The following GRID1 variants were observed in gnomAD, a reference collection of about 807,000 sequenced individuals.
GRID1 encodes the protein glutamate receptor ionotropic, delta-1.
A neutral mutation model predicts 98.0 loss-of-function variants in GRID1; 28 were observed. The observed-to-expected ratio is 0.29, with a 90% CI of 0.21 to 0.39. The LOEUF (loss-of-function observed/expected upper bound fraction) is 0.39, where lower values mean the gene tolerates loss of function less well. GRID1 is among the 10% of genes least tolerant of loss of function. The pLI is 1.00. For missense variants in GRID1, 1,111 were observed against 1,340.5 expected, an observed-to-expected ratio of 0.83 and a Z score of 2.67; for synonymous variants, 553 against 538.5, an observed-to-expected ratio of 1.03 and a Z score of -0.37.
rs568183444 is a variant in GRID1, at chr10:85,852,357, G to A, written c.1233+2139C>T. The stretch of plus-strand genomic sequence containing the variant: ...CCACTGGCTTCAGGGTTTTTGAGGC[G>A]CATTGCCTTGGCAACGTGGAAGGTC... On this transcript the variant is annotated intron_variant, in intron 8 of 15. Transcript: ENST00000327946. Among the ~76,000 whole-genome samples, 8 of 152,278 alleles carry A rather than the reference G, an allele frequency of 5.3e-5. No individual in the cohort carries two copies. In the East Asian group the frequency reaches 9.7e-4, roughly 18 times the overall value.
chr10:86,202,852 T>G (rs1453951095), intron 3 of GRID1, among the ~76,000 whole-genome samples: 5 of 152,350 alleles, frequency 3.3e-5, no homozygotes, highest in African/African-American at 9.6e-5. Flanking sequence ...CTATGTATGA[T>G]GCTCACTAAA....
At chr10:86,199,778 C>G (rs1408508653) in intron 3 of GRID1, among the ~76,000 whole-genome samples, 1 of 152,140 alleles carries the variant, frequency 6.6e-6, no homozygotes, top group Non-Finnish European at 1.5e-5. Flanking sequence ...CTCGGATCAT[C>G]ATTCCTGAGA....
intron 2 of GRID1, among the ~76,000 whole-genome samples, chr10:86,282,442 G>A (rs1847369618): frequency 6.6e-6 from 1 of 152,122 alleles, no homozygotes. Context: ...ATGGATCCAG[G>A]TGCCGGCTGA....
chr10:85,608,602 A>G (rs547660295), intron 15 of GRID1, among the ~76,000 whole-genome samples: 22 of 152,250 alleles, frequency 1.4e-4, no homozygotes, highest in African/African-American at 5.1e-4. Flanking sequence ...TATATTCATC[A>G]CCCCTTAATA....
chr10:86,348,742 A>C (rs1317559065), intron 2 of GRID1, among the ~76,000 whole-genome samples: 1 of 152,232 alleles, frequency 6.6e-6, no homozygotes, highest in African/African-American at 2.4e-5. Flanking sequence ...GCTGCACCTG[A>C]CATCCAGGAG....
intron 4 of GRID1, among the ~76,000 whole-genome samples, chr10:85,947,930 A>C (rs1800023846): frequency 6.6e-6 from 1 of 152,230 alleles, no homozygotes; most frequent in Non-Finnish European, 1.5e-5. Context: ...GGTGATAAGC[A>C]ACCTTACAAT....
At chr10:86,280,086 G>A (rs561401193) in intron 2 of GRID1, among the ~76,000 whole-genome samples, 4 of 152,048 alleles carry the variant, frequency 2.6e-5, no homozygotes, top group East Asian at 1.9e-4. Context: ...ATCTTTACTC[G>A]CAGCTACCCA....
At chr10:86,212,651 C>T (rs1392813156) in intron 2 of GRID1, among the ~76,000 whole-genome samples, 1 of 152,242 alleles carries the variant, frequency 6.6e-6, no homozygotes, top group Admixed American at 6.5e-5. Flanking sequence ...TCCACGAGCA[C>T]CCACCTGCCC....
intron 8 of GRID1, among the ~76,000 whole-genome samples, chr10:85,750,538 G>T (rs1590216288): frequency 1.3e-5 from 2 of 152,248 alleles, no homozygotes; most frequent in African/African-American, 4.8e-5. Flanking sequence ...AACATAAAAA[G>T]CAAGTTGTCA....
chr10:86,312,315 C>T (rs942739157), intron 2 of GRID1, among the ~76,000 whole-genome samples: 2 of 152,214 alleles, frequency 1.3e-5, no homozygotes, highest in African/African-American at 4.8e-5. Context: ...TCTTTGGTCT[C>T]CCACCCCACC....
intron 12 of GRID1, among the ~76,000 whole-genome samples, chr10:85,722,117 C>T (rs900410403): frequency 3.3e-5 from 5 of 152,106 alleles, no homozygotes; most frequent in African/African-American, 4.8e-5. Flanking sequence ...GGAGTTTAAA[C>T]TCTTTTCAAT....
chr10:85,885,033 A>T (rs947144132), intron 5 of GRID1, among the ~76,000 whole-genome samples: 1 of 152,224 alleles, frequency 6.6e-6, no homozygotes, highest in Non-Finnish European at 1.5e-5. Flanking sequence ...ATACACTAAA[A>T]TATGAGAAAT....
At chr10:86,021,579 A>T (rs1248334854) in intron 4 of GRID1, among the ~76,000 whole-genome samples, 2 of 152,104 alleles carry the variant, frequency 1.3e-5, no homozygotes, top group Non-Finnish European at 2.9e-5. Context: ...CAGAAAAGAC[A>T]AAGATTTCTA....
At chr10:85,837,389 C>A (rs1169140165) in intron 8 of GRID1, among the ~76,000 whole-genome samples, 2 of 152,186 alleles carry the variant, frequency 1.3e-5, no homozygotes, top group Non-Finnish European at 2.9e-5. Context: ...GTGAGGCTGG[C>A]ACCCCTGCCC....
At chr10:86,101,143 A>G (rs1844289915) in intron 4 of GRID1, among the ~76,000 whole-genome samples, 1 of 152,146 alleles carries the variant, frequency 6.6e-6, no homozygotes, top group South Asian at 2.1e-4. Flanking sequence ...ATGGGACAGC[A>G]AGGTAGCCTG....
At chr10:85,660,774 G>A (rs952262668) in intron 12 of GRID1, among the ~76,000 whole-genome samples, 1 of 152,046 alleles carries the variant, frequency 6.6e-6, no homozygotes, top group African/African-American at 2.4e-5. Context: ...AGGGAACATG[G>A]CACTTCCTTG....
intron 2 of GRID1, among the ~76,000 whole-genome samples, chr10:86,305,106 AG>A (rs1181006832): frequency 1.4e-5 from 2 of 146,926 alleles, no homozygotes; most frequent in African/African-American, 5.4e-5. Flanking sequence ...GAAGGGCTTA[AG>A]GAAAAAAAAA....
In GRID1 at chr10:85,602,252, G is replaced by A. The variant is rs751417845; in HGVS notation, c.*21C>T. On this transcript the variant is annotated 3_prime_UTR_variant, in exon 16 of 16. Transcript: ENST00000327946. ...GCTGGTCGGGTGGGTGGGAGGGTGG[G>A]CAGGAGGGCAGGCGGCGCAGTCAGA... The A allele has an allele frequency of 5.6e-6, 4 of 720,012 alleles. No individual in the cohort carries two copies. The highest frequency in any genetic ancestry group is 7.8e-6 in the Non-Finnish European group (4 of 513,232). The allele number at this position is 720,012 out of a possible 1,614,324, so 44.6% of individuals were successfully genotyped here. A position where few individuals can be genotyped will look rare whatever the true frequency, so the allele number is the denominator to read the frequency against.
intron 3 of GRID1, among the ~76,000 whole-genome samples, chr10:86,160,671 C>T (rs1845307905): frequency 6.6e-6 from 1 of 152,248 alleles, no homozygotes; most frequent in Non-Finnish European, 1.5e-5. Context: ...ACAGCATGTG[C>T]TGAGGGCCTA....
Sources: allele counts gnomAD v4.1 joint callset (sites outside exome capture counted in the v4.1 genomes callset), GRCh38; gene constraint gnomAD v4.1.1; transcripts MANE v1.5; gene names NCBI Gene and HGNC (gene_info 2026-07-23, HGNC 2026-07-21).